The following CEACAM1 variants were observed in gnomAD, a reference collection of about 807,000 sequenced individuals.
CEACAM1 encodes cell adhesion molecule CEACAM1.
In CEACAM1, 31 loss-of-function variants were observed where a neutral mutation model predicts 49.1. That is an observed-to-expected ratio of 0.63 (90% CI 0.47 to 0.85). The LOEUF (loss-of-function observed/expected upper bound fraction) is 0.85. Among genes scored for constraint, CEACAM1 ranks in the 40% least tolerant of loss-of-function variants. The pLI, the probability that CEACAM1 is intolerant of heterozygous loss-of-function variation, is 0.00. For synonymous variants in CEACAM1, 244 were observed against 247.8 expected, an observed-to-expected ratio of 0.98 and a Z score of 0.14; for missense variants, 570 against 645.3, an observed-to-expected ratio of 0.88 and a Z score of 1.26.
chr19:42,522,384 C>T (rs904825622), intron 2 of CEACAM1, among the ~76,000 whole-genome samples, 182 bp from the exon 3 acceptor site: 2 of 152,112 alleles, frequency 1.3e-5, no homozygotes, highest in African/African-American at 2.4e-5. Context: ...AAGCAATTCT[C>T]CTGCCTCAGC....
intron 3 of CEACAM1, 56 bp from the exon 4 acceptor site, chr19:42,521,577 C>T: frequency 4.4e-6 from 7 of 1,584,774 alleles, no homozygotes; most frequent in Non-Finnish European, 6.0e-6. Flanking sequence ...GGGGAAGCTG[C>T]TGGTCTGGAG....
chr19:42,527,504 A>AGTGTGTGTGTGTGTGTGTGT, intron 1 of CEACAM1, 104 bp from the exon 2 acceptor site: 2 of 715,646 alleles, frequency 2.8e-6, no homozygotes, highest in East Asian at 3.0e-5. Context: ...TCCACCTTGG[A>AGTGTGTGTGTGTGTGTGTGT]GTGTGTGTGT....
At chr19:42,524,409 CCTT>C (rs2041837600) in intron 2 of CEACAM1, among the ~76,000 whole-genome samples, 1 of 152,202 alleles carries the variant, frequency 6.6e-6, no homozygotes. Context: ...GCAGACCTGT[CCTT>C]CTGCCTCTGA....
Position 42,519,328 on chromosome 19 carries a change from A to C in CEACAM1, c.959-93T>G, listed in dbSNP as rs1479191323. On this transcript the variant is annotated intron_variant, in intron 4 of 8. Coordinates refer to ENST00000161559, the MANE Select transcript of CEACAM1 (RefSeq NM_001712.5). ...TGCTCCTTTCCCTGAGATTTTAGCC[A>C]GCTCTCAGGTCCCACAGTGAGCTGT... is the stretch of plus-strand genomic sequence containing the variant. The C allele has an allele frequency of 3.1e-6, 4 of 1,296,736 alleles. No homozygotes were observed. In the East Asian group the frequency reaches 6.9e-5, roughly 22 times the overall value. The allele number at this position is 1,296,736 out of a possible 1,614,324, so 80.3% of individuals were successfully genotyped here.
intron 7 of CEACAM1, 102 bp downstream of exon 7, chr19:42,511,474 A>G: frequency 1.0e-6 from 1 of 987,084 alleles, no homozygotes; most frequent in Non-Finnish European, 1.6e-6. Context: ...TTCTGTGAAA[A>G]TTCAGAAGGG....
At chr19:42,524,515 G>A (rs541507035) in intron 2 of CEACAM1, among the ~76,000 whole-genome samples, 16 of 152,308 alleles carry the variant, frequency 1.1e-4, no homozygotes, top group African/African-American at 3.9e-4. Flanking sequence ...GAGGGACGTG[G>A]GGACAGTGGC....
At position 42,512,419 on chromosome 19, in the gene CEACAM1, C is replaced by A. The variant is rs749833449; in HGVS notation, c.1307G>T (p.Gly436Val). ...SPGAIAGIVI[G>V]VVALVALIAV... ...TATCAGAGCAACCAGGGCCACTACT[C>A]CAATCACAATGCCAGCAATGGCCCC... Residue 436 changes from glycine (G) to valine (V), a missense_variant, in exon 6 of 9, where the codon GGA (glycine) becomes GTA (valine). Coordinates refer to ENST00000161559, the MANE Select transcript of CEACAM1 (RefSeq NM_001712.5). 6.2e-6 allele frequency: 10 copies of A among 1,614,028 alleles called. No homozygotes were observed. The East Asian group carries it at 6.7e-5, about 11-fold the overall frequency.
chr19:42,514,827 T>C (rs1374947317), intron 5 of CEACAM1, among the ~76,000 whole-genome samples: 1 of 152,194 alleles, frequency 6.6e-6, no homozygotes. Flanking sequence ...GTCAGATGGC[T>C]AGTGAGAGGT....
intron 1 of CEACAM1, chr19:42,527,723 C>G (rs778737260): frequency 3.6e-5 from 10 of 278,194 alleles, no homozygotes; most frequent in Non-Finnish European, 5.4e-5. Flanking sequence ...CCCCTAGAGA[C>G]CCTGGGTATT....
intron 8 of CEACAM1, among the ~76,000 whole-genome samples, 193 bp from the exon 9 acceptor site, chr19:42,509,421 A>G (rs2041400975): frequency 6.6e-6 from 1 of 152,232 alleles, no homozygotes; most frequent in African/African-American, 2.4e-5. Flanking sequence ...TATGGTATAT[A>G]TGCAATGGGA....
At chr19:42,528,246 C>A (rs2041943685) in intron 1 of CEACAM1, 65 bp downstream of exon 1, 18 of 1,449,058 alleles carry the variant, frequency 1.2e-5, no homozygotes, top group South Asian at 1.2e-4. Context: ...CCATCCTCCC[C>A]AGAGGACCCT....
At chr19:42,513,408 C>A (rs2041511361) in intron 5 of CEACAM1, among the ~76,000 whole-genome samples, 1 of 151,994 alleles carries the variant, frequency 6.6e-6, no homozygotes, top group African/African-American at 2.4e-5. Context: ...ACCAGCCTGG[C>A]CAAGATGGTG....
intron 7 of CEACAM1, 119 bp downstream of exon 7, chr19:42,511,457 A>C (rs1447717638): frequency 5.8e-6 from 5 of 868,580 alleles, no homozygotes; most frequent in Non-Finnish European, 7.7e-6. Flanking sequence ...TGGGAAATAG[A>C]GATCCTTTCT....
intron 8 of CEACAM1, 107 bp from the exon 9 acceptor site, chr19:42,509,335 T>C: frequency 1.5e-6 from 2 of 1,326,038 alleles, no homozygotes; most frequent in East Asian, 2.3e-5. Context: ...AAATTTTAGC[T>C]CTGGAGAAGG....
In CEACAM1 at chr19:42,507,850, A is replaced by C. The variant is rs539950704; in HGVS notation, c.*1259T>G. Reference sequence around the variant, plus strand: ...CTCCCACTTCTCAAGGACCAAATACACCTTAGCAGAGGCCAAGGTTTCCTG... The same window carrying C: ...CTCCCACTTCTCAAGGACCAAATACCCCTTAGCAGAGGCCAAGGTTTCCTG... On this transcript the variant is annotated 3_prime_UTR_variant, in exon 9 of 9. Transcript: ENST00000161559. 2.0e-5 allele frequency: 3 copies of C among 152,300 alleles called. No homozygotes were observed. In the South Asian group the frequency reaches 6.2e-4, roughly 32 times the overall value. 9.4% of individuals were successfully genotyped at this position (152,300 alleles called of 1,614,324 possible).
intron 7 of CEACAM1, 172 bp downstream of exon 7, chr19:42,511,404 C>T: frequency 3.1e-6 from 2 of 638,446 alleles, no homozygotes; most frequent in Non-Finnish European, 5.6e-6. Flanking sequence ...TCAGGGGACT[C>T]CTGTGGCTAG....
chr19:42,518,075 C>T (rs1385525965), intron 5 of CEACAM1, among the ~76,000 whole-genome samples: 2 of 152,070 alleles, frequency 1.3e-5, no homozygotes, highest in African/African-American at 4.8e-5. Flanking sequence ...ATGAAGTAAG[C>T]CAGACACAAA....
At position 42,518,111 on chromosome 19, in the gene CEACAM1, T is replaced by C. The variant is rs185760947; in HGVS notation, c.1246+837A>G. On this transcript the variant is annotated intron_variant, in intron 5 of 8. Coordinates refer to ENST00000161559, the MANE Select transcript of CEACAM1 (RefSeq NM_001712.5). ...AGGACAAATATTGCATGCTTCCATC[T>C]GTATGAGAGGTACTTAGAATAGTTA... 4.4e-3 allele frequency among the ~76,000 whole-genome samples: 670 copies of C among 152,292 alleles called. 7 individuals are homozygous for C. The highest frequency in any genetic ancestry group is 0.015 in the African/African-American group (633 of 41,580).
At chr19:42,526,877 G>C (rs975500405) in intron 2 of CEACAM1, among the ~76,000 whole-genome samples, 164 bp downstream of exon 2, 1 of 152,074 alleles carries the variant, frequency 6.6e-6, no homozygotes, top group South Asian at 2.1e-4. Flanking sequence ...TAAGACATTC[G>C]GTATTTTGAT....
Sources: allele counts gnomAD v4.1 joint callset (sites outside exome capture counted in the v4.1 genomes callset), GRCh38; gene constraint gnomAD v4.1.1; transcripts MANE v1.5; gene names NCBI Gene and HGNC (gene_info 2026-07-23, HGNC 2026-07-21).